Variants in CMSS1 observed in about 807,000 individuals in gnomAD.
The protein encoded by CMSS1 is cms1 ribosomal small subunit homolog.
In CMSS1, 33 loss-of-function variants were observed where a neutral mutation model predicts 43.5. The observed-to-expected ratio is 0.76, with a 90% CI of 0.57 to 1.01. The LOEUF (loss-of-function observed/expected upper bound fraction) is 1.01. Ranked by LOEUF, CMSS1 falls within the 50% of genes least tolerant of loss-of-function variation. The pLI, the probability that CMSS1 is intolerant of heterozygous loss-of-function variation, is 0.00. For missense variants in CMSS1, 313 were observed against 326.4 expected, an observed-to-expected ratio of 0.96 and a Z score of 0.32; for synonymous variants, 115 against 117.2, an observed-to-expected ratio of 0.98 and a Z score of 0.12.
In CMSS1 at chr3:100,082,254, A is replaced by G. The variant is rs552830224; in HGVS notation, c.65-64719A>G. The stretch of plus-strand genomic sequence containing the variant: ...AGAATTCATAGAATAGAATCTGTTT[A>G]ACATACTGACCTAAGCTGCACATGT... On this transcript the variant is annotated intron_variant, in intron 1 of 9. Transcript: ENST00000421999. 3.4e-4 allele frequency among the ~76,000 whole-genome samples: 52 copies of G among 152,358 alleles called. 2 individuals are homozygous for G. The South Asian group carries it at 0.011, about 32-fold the overall frequency.
intron 1 of CMSS1, chr3:99,924,439 C>A: frequency 6.3e-7 from 1 of 1,592,082 alleles, no homozygotes; most frequent in Admixed American, 1.7e-5. Context: ...AGCCTGTTAC[C>A]AAATTGTTTA....
At chr3:99,988,296 G>A (rs759732295) in intron 1 of CMSS1, among the ~76,000 whole-genome samples, 3 of 134,552 alleles carry the variant, frequency 2.2e-5, no homozygotes, top group Non-Finnish European at 4.6e-5. Context: ...GGGAGATGGA[G>A]ACCATCCTGG....
intron 1 of CMSS1, among the ~76,000 whole-genome samples, chr3:99,983,504 A>ATG (rs1709232146): frequency 8.9e-6 from 1 of 112,272 alleles, no homozygotes; most frequent in Non-Finnish European, 1.8e-5. Context: ...ATATATATAT[A>ATG]TATATGTATA....
intron 1 of CMSS1, among the ~76,000 whole-genome samples, chr3:100,037,502 G>A (rs1226695273): frequency 1.3e-5 from 2 of 152,150 alleles, no homozygotes; most frequent in Middle Eastern, 3.4e-3. Context: ...TAAAGCCAGC[G>A]CAACATATAG....
At chr3:100,015,473 G>T (rs1710314748) in intron 1 of CMSS1, among the ~76,000 whole-genome samples, 1 of 152,146 alleles carries the variant, frequency 6.6e-6, no homozygotes, top group Non-Finnish European at 1.5e-5. Context: ...TGCTGTGGGT[G>T]CTATGGAAAT....
intron 1 of CMSS1, among the ~76,000 whole-genome samples, chr3:99,893,732 T>C (rs1223817541): frequency 1.3e-5 from 2 of 152,230 alleles, no homozygotes; most frequent in East Asian, 3.8e-4. Flanking sequence ...AGATAATTTA[T>C]TTTTCTGTGA....
intron 1 of CMSS1, among the ~76,000 whole-genome samples, chr3:100,042,839 A>G (rs2065226911): frequency 6.6e-6 from 1 of 152,236 alleles, no homozygotes; most frequent in Admixed American, 6.5e-5. Flanking sequence ...AAGCTGGGAC[A>G]GTTCAAGAAA....
At position 100,130,463 on chromosome 3, in the gene CMSS1, T is replaced by C. The variant is rs113168371; in HGVS notation, c.65-16510T>C. On this transcript the variant is annotated intron_variant, in intron 1 of 9. Transcript: ENST00000421999. ...ATCTCATTGAGTGTTTTAGCAGAAGTTGATTGTATATATCTGCTGGATCCT... is the reference window on the plus strand; with the variant it reads ...ATCTCATTGAGTGTTTTAGCAGAAGCTGATTGTATATATCTGCTGGATCCT... Among the ~76,000 whole-genome samples the C allele has an allele frequency of 2.1e-3, 320 of 152,288 alleles. 2 individuals carry two copies. The highest frequency in any genetic ancestry group is 7.1e-3 in the Admixed American group (109 of 15,294).
chr3:99,931,137 C>T (rs957241396), intron 1 of CMSS1: 1 of 903,584 alleles, frequency 1.1e-6, no homozygotes, highest in East Asian at 2.5e-5. Context: ...TTACCACAGC[C>T]CCAAAGTCAA....
At position 100,151,634 on chromosome 3, in the gene CMSS1, G is replaced by A. The variant is rs535797818; in HGVS notation, c.153+4573G>A. Among the ~76,000 whole-genome samples the A allele has an allele frequency of 3.3e-5, 5 of 152,260 alleles. No homozygotes were observed. The South Asian group carries it at 1.0e-3, about 32-fold the overall frequency. ...CACCTCGTCACTTCTGCCATATTAA[G>A]CGAGTTAGTAAATCCAGTCCACATT... On this transcript the variant is annotated intron_variant, in intron 2 of 9. Coordinates refer to ENST00000421999, the MANE Select transcript of CMSS1 (RefSeq NM_032359.4).
intron 1 of CMSS1, among the ~76,000 whole-genome samples, chr3:100,066,467 T>C (rs2065664926): frequency 6.6e-6 from 1 of 151,394 alleles, no homozygotes; most frequent in Admixed American, 6.6e-5. Flanking sequence ...TGAATGGTGA[T>C]GTCATGGATA....
intron 1 of CMSS1, among the ~76,000 whole-genome samples, chr3:99,877,678 A>G (rs917292482): frequency 2.0e-5 from 3 of 152,180 alleles, no homozygotes; most frequent in African/African-American, 7.2e-5. Context: ...CTTCTGCCCT[A>G]TACTTGTGAA....
intron 1 of CMSS1, among the ~76,000 whole-genome samples, chr3:99,882,435 G>A (rs1258223410): frequency 6.6e-6 from 1 of 152,114 alleles, no homozygotes; most frequent in Non-Finnish European, 1.5e-5. Flanking sequence ...TATAATGGCT[G>A]GAAATGTATT....
intron 1 of CMSS1, among the ~76,000 whole-genome samples, chr3:100,012,611 G>A (rs1253533072): frequency 2.0e-5 from 3 of 151,958 alleles, no homozygotes; most frequent in Non-Finnish European, 4.4e-5. Flanking sequence ...CCCCACCGTG[G>A]GCCTAATTAT....
rs567614666 is a variant in CMSS1 at position 99,899,027 on chromosome 3, GA to G, written c.64+80993del. On this transcript the variant is annotated intron_variant, in intron 1 of 9. Transcript: ENST00000421999. ...CTGAGAAGGCTGGAACACACATACT[GA>G]AAAAAAAATGTGGTTATTCCTCCTT... Among the ~76,000 whole-genome samples the G allele has an allele frequency of 8.0e-5, 12 of 150,678 alleles. No homozygotes were observed. In the East Asian group the frequency reaches 1.7e-3, roughly 22 times the overall value.
intron 1 of CMSS1, among the ~76,000 whole-genome samples, chr3:100,088,485 G>C (rs1455040917): frequency 1.3e-5 from 2 of 152,114 alleles, no homozygotes; most frequent in Non-Finnish European, 2.9e-5. Context: ...TTTAAAACCT[G>C]AATCATTTCA....
intron 1 of CMSS1, among the ~76,000 whole-genome samples, chr3:100,115,557 T>TTCTCTCTCTCTCTCTCTC (rs1444990340): frequency 1.3e-5 from 1 of 75,192 alleles, no homozygotes; most frequent in East Asian, 3.5e-4. Flanking sequence ...CTCTTTCTCT[T>TTCTCTCTCTCTCTCTCTC]TCTCTCTCTC....
chr3:100,176,527 T>C (rs1167434132), intron 9 of CMSS1, 112 bp downstream of exon 9: 5 of 675,586 alleles, frequency 7.4e-6, no homozygotes, highest in African/African-American at 1.8e-5. Context: ...GATTTTGAAA[T>C]GATTTCTATC....
At chr3:100,117,895 A>G (rs1042651207) in intron 1 of CMSS1, among the ~76,000 whole-genome samples, 13 of 141,556 alleles carry the variant, frequency 9.2e-5, no homozygotes, top group Non-Finnish European at 1.5e-4. Flanking sequence ...ACAATGGAGT[A>G]TTACTCAGGC....
Sources: allele counts gnomAD v4.1 joint callset (sites outside exome capture counted in the v4.1 genomes callset), GRCh38; gene constraint gnomAD v4.1.1; transcripts MANE v1.5; gene names NCBI Gene and HGNC (gene_info 2026-07-23, HGNC 2026-07-21).